The following ERCC8 variants were observed in gnomAD, a reference collection of about 807,000 sequenced individuals.
ERCC8 encodes ERCC excision repair 8, CSA ubiquitin ligase complex subunit.
In ERCC8, 52 loss-of-function variants were observed where a neutral mutation model predicts 54.9. The observed-to-expected ratio is 0.95, with a 90% CI of 0.76 to 1.19. The LOEUF (loss-of-function observed/expected upper bound fraction) is 1.19. ERCC8 is among the 50% of genes most tolerant of loss of function. The pLI, the probability that ERCC8 is intolerant of heterozygous loss-of-function variation, is 0.00. For synonymous variants in ERCC8, 146 were observed against 157.2 expected, an observed-to-expected ratio of 0.93 and a Z score of 0.53; for missense variants, 514 against 466.1, an observed-to-expected ratio of 1.10 and a Z score of -0.95.
chr5:60,906,599 G>A (rs1749079432), intron 4 of ERCC8, among the ~76,000 whole-genome samples: 1 of 151,794 alleles, frequency 6.6e-6, no homozygotes, highest in Non-Finnish European at 1.5e-5. Context: ...CGTGGTGGCA[G>A]GCGCCTGTAA....
chr5:60,878,121 G>C (rs1353082666), intron 11 of ERCC8, among the ~76,000 whole-genome samples: 1 of 152,188 alleles, frequency 6.6e-6, no homozygotes, highest in Non-Finnish European at 1.5e-5. Context: ...TGCATCTATT[G>C]AGATAATCAT....
intron 1 of ERCC8, among the ~76,000 whole-genome samples, chr5:60,938,740 A>C (rs1750168238): frequency 6.6e-6 from 1 of 152,224 alleles, no homozygotes; most frequent in African/African-American, 2.4e-5. Flanking sequence ...TCTCCACTTA[A>C]GGGATGTAAA....
rs1267937390 is a variant in ERCC8 at position 60,869,379 on chromosome 5, AAAT to A, written c.*5233_*5235del. Among the ~76,000 whole-genome samples, 18 of 152,178 alleles carry A rather than the reference AAAT, an allele frequency of 1.2e-4. No homozygotes were observed. Among genetic ancestry groups the A allele is most frequent in the Admixed American group, 2.6e-4 (4 of 15,284 alleles). On this transcript the variant is annotated 3_prime_UTR_variant, in exon 12 of 12. Coordinates refer to ENST00000676185, the MANE Select transcript of ERCC8 (RefSeq NM_000082.4). Reference sequence around the variant, plus strand: ...TCTACCACTGTCTCATTTCGATTTTAAATAATAAAGCTAATGGTGTGTCTCTCA... The same window carrying A: ...TCTACCACTGTCTCATTTCGATTTTAAATAAAGCTAATGGTGTGTCTCTCA...
chr5:60,944,760 G>A (rs1342315096), intron 1 of ERCC8, among the ~76,000 whole-genome samples, 172 bp downstream of exon 1: 3 of 48,670 alleles, frequency 6.2e-5, no homozygotes, highest in South Asian at 6.2e-4. Context: ...CCGCCTGCAA[G>A]TTGTTACCAG....
At chr5:60,918,484 T>A (rs1178219935) in intron 3 of ERCC8, 96 bp from the exon 4 acceptor site, 1 of 1,067,672 alleles carries the variant, frequency 9.4e-7, no homozygotes, top group African/African-American at 1.6e-5. Flanking sequence ...GGTAGGATGA[T>A]ATGAATGGCC....
chr5:60,929,289 C>T (rs4647063), intron 1 of ERCC8, among the ~76,000 whole-genome samples: 51 of 152,074 alleles, frequency 3.4e-4, no homozygotes, highest in African/African-American at 1.2e-3. Context: ...TTCTTAAAGA[C>T]GGACAGAAAT....
intron 3 of ERCC8, among the ~76,000 whole-genome samples, chr5:60,918,938 C>T (rs1159943953): frequency 6.6e-6 from 1 of 151,956 alleles, no homozygotes; most frequent in East Asian, 1.9e-4. Context: ...ATGTTGAAGA[C>T]TCTATGACGT....
intron 9 of ERCC8, among the ~76,000 whole-genome samples, chr5:60,897,118 T>C (rs1323028952): frequency 6.6e-6 from 1 of 152,158 alleles, no homozygotes; most frequent in African/African-American, 2.4e-5. Context: ...AGGGTCTTTG[T>C]ACCTTTTTTC....
At chr5:60,904,634 G>GTATATATATATATATATATA (rs869039109) in intron 5 of ERCC8, among the ~76,000 whole-genome samples, 158 bp downstream of exon 5, 1 of 49,930 alleles carries the variant, frequency 2.0e-5, no homozygotes, top group Non-Finnish European at 3.6e-5. Context: ...GTGTGTGTGT[G>GTATATATATATATATATATA]TATATATATA....
chr5:60,903,430 T>G, intron 6 of ERCC8: 1 of 691,856 alleles, frequency 1.4e-6, no homozygotes, highest in East Asian at 3.4e-5. Flanking sequence ...TCATATTGTT[T>G]GAGCTTCCCC....
chr5:60,938,081 ATATATTT>A (rs1750139284), intron 1 of ERCC8, among the ~76,000 whole-genome samples: 8 of 18,632 alleles, frequency 4.3e-4, no homozygotes, highest in Admixed American at 3.9e-3. Context: ...ATATATATAT[ATATATTT>A]TATTTTTTTT....
chr5:60,872,224 G>A lies in ERCC8; in HGVS notation c.*2391C>T, dbSNP rs1025940354. ...TATCAGAAGAAAACATGGAGAAAATGCTCCATGACATTGGTCTGGGCAATG... is the reference window on the plus strand; with the variant it reads ...TATCAGAAGAAAACATGGAGAAAATACTCCATGACATTGGTCTGGGCAATG... On this transcript the variant is annotated 3_prime_UTR_variant, in exon 12 of 12. Transcript: ENST00000676185. Among the ~76,000 whole-genome samples the A allele has an allele frequency of 2.0e-5, 3 of 152,130 alleles. No individual in the cohort carries two copies. The highest frequency in any genetic ancestry group is 7.2e-5 in the African/African-American group (3 of 41,428).
intron 3 of ERCC8, chr5:60,919,540 A>G (rs1749541119): frequency 6.6e-6 from 1 of 152,024 alleles, no homozygotes; most frequent in East Asian, 1.9e-4. Flanking sequence ...CTGGCATTAA[A>G]ACAGCTGCAA....
intron 4 of ERCC8, among the ~76,000 whole-genome samples, chr5:60,906,941 G>C (rs1248416630): frequency 1.3e-5 from 2 of 152,130 alleles, no homozygotes; most frequent in African/African-American, 4.8e-5. Context: ...TGCAAAGGCA[G>C]TTTCAATATT....
rs1747808918 is a variant in ERCC8, at chr5:60,869,001, T to A, written c.*5614A>T. On this transcript the variant is annotated 3_prime_UTR_variant, in exon 12 of 12. Coordinates refer to ENST00000676185, the MANE Select transcript of ERCC8 (RefSeq NM_000082.4). ...GCTTGCCATTCCATTTCTGGCATAGTTAGAGTGATTTTAAGTTTACTGCTT... is the reference window on the plus strand; with the variant it reads ...GCTTGCCATTCCATTTCTGGCATAGATAGAGTGATTTTAAGTTTACTGCTT... Among the ~76,000 whole-genome samples the A allele has an allele frequency of 1.3e-5, 2 of 152,182 alleles. No individual in the cohort carries two copies. The highest frequency in any genetic ancestry group is 2.9e-5 in the Non-Finnish European group (2 of 68,024).
chr5:60,904,130 T>C (rs1328142114), intron 5 of ERCC8, among the ~76,000 whole-genome samples: 2 of 152,108 alleles, frequency 1.3e-5, no homozygotes, highest in Non-Finnish European at 2.9e-5. Flanking sequence ...CATCAAATCA[T>C]TGTATTTTAA....
In ERCC8 at chr5:60,868,243, C is replaced by T. The variant is rs1050106845; in HGVS notation, c.*6372G>A. On this transcript the variant is annotated 3_prime_UTR_variant, in exon 12 of 12. Transcript: ENST00000676185. Reference sequence around the variant, plus strand: ...ATAAAAACACGAGCAGCTTAATGAACTTAGTCTTAACATTGACTTAATTGT... The same window carrying T: ...ATAAAAACACGAGCAGCTTAATGAATTTAGTCTTAACATTGACTTAATTGT... Among the ~76,000 whole-genome samples the T allele has an allele frequency of 6.6e-6, 1 of 152,186 alleles. No homozygotes were observed. The highest frequency in any genetic ancestry group is 6.5e-5 in the Admixed American group (1 of 15,272).
At chr5:60,881,511 G>A (rs1257192857) in intron 11 of ERCC8, among the ~76,000 whole-genome samples, 3 of 152,218 alleles carry the variant, frequency 2.0e-5, no homozygotes, top group Non-Finnish European at 2.9e-5. Context: ...GCTCCACCCA[G>A]TTTGATCTTC....
In ERCC8 at chr5:60,928,958, C is replaced by T; in HGVS notation, c.79G>A (p.Val27Ile). 1 of 1,576,708 alleles carries T rather than the reference C, an allele frequency of 6.3e-7. No individual in the cohort carries two copies. Among genetic ancestry groups the T allele is most frequent in the Non-Finnish European group, 8.7e-7 (1 of 1,148,264 alleles). Residue 27 changes from valine to isoleucine, a missense_variant and splice_region_variant, in exon 2 of 12, where the codon GTT (valine) becomes ATT (isoleucine). Val to Ile is a conservative substitution (Grantham distance 29). Coordinates refer to ENST00000676185, the MANE Select transcript of ERCC8 (RefSeq NM_000082.4). Reference sequence around the variant, plus strand: ...TCTTTATTTAATTCCAGTCCCAAAACTCTTAAAAATAAAAGGGGGAGAAAG... The same window carrying T: ...TCTTTATTTAATTCCAGTCCCAAAATTCTTAAAAATAAAAGGGGGAGAAAG... ...RLRRAESTRR[V>I]LGLELNKDRD...
Sources: allele counts gnomAD v4.1 joint callset (sites outside exome capture counted in the v4.1 genomes callset), GRCh38; gene constraint gnomAD v4.1.1; transcripts MANE v1.5; gene names NCBI Gene and HGNC (gene_info 2026-07-23, HGNC 2026-07-21).